Variants in COL5A1 observed in about 807,000 individuals in gnomAD.
COL5A1 encodes collagen alpha-1(V) chain.
In COL5A1, 16 loss-of-function variants were observed where a neutral mutation model predicts 263.7. The observed-to-expected ratio is 0.06, with a 90% CI of 0.04 to 0.09. The LOEUF (loss-of-function observed/expected upper bound fraction) is 0.09. Ranked by LOEUF, COL5A1 falls within the 10% of genes least tolerant of loss-of-function variation. COL5A1 has a pLI of 1.00. For synonymous variants in COL5A1, 1,012 were observed against 1,004.5 expected (o/e 1.01, Z -0.14); for missense variants, 2,036 against 2,540.5 (o/e 0.80, Z 4.27).
At chr9:134,831,754 C>T (rs914336912) in intron 64 of COL5A1, among the ~76,000 whole-genome samples, 23 of 152,342 alleles carry the variant, frequency 1.5e-4, no homozygotes, top group South Asian at 6.2e-4. Context: ...CTATTTTCCT[C>T]GCTTGGAGGA....
chr9:134,685,194 G>GTCCATCCATCCATCCA (rs1167642715), intron 1 of COL5A1, among the ~76,000 whole-genome samples: 2 of 5,542 alleles, frequency 3.6e-4, no homozygotes, highest in African/African-American at 1.3e-3. Context: ...CCTTCCATCT[G>GTCCATCCATCCATCCA]TCCATCCATC....
chr9:134,752,429 G>C (rs56669635), intron 13 of COL5A1, among the ~76,000 whole-genome samples, 160 bp from the exon 14 acceptor site: 5 of 150,582 alleles, frequency 3.3e-5, no homozygotes, highest in South Asian at 4.2e-4. Flanking sequence ...CGGGGGGGGG[G>C]GGCCCTTGGG....
Position 134,810,401 on chromosome 9 carries a change from A to G in COL5A1, c.3528+93A>G, listed in dbSNP as rs1004375882. ...CGTGTGCCATGCACGTTCTCTTCCAACGTTGCTGATGACTAGCGGGACATG... is the reference window on the plus strand; with the variant it reads ...CGTGTGCCATGCACGTTCTCTTCCAGCGTTGCTGATGACTAGCGGGACATG... On this transcript the variant is annotated intron_variant, in intron 44 of 65. Coordinates refer to ENST00000371817, the MANE Select transcript of COL5A1 (RefSeq NM_000093.5). The G allele has an allele frequency of 3.2e-5, 40 of 1,257,526 alleles. No homozygotes were observed. In the South Asian group the frequency reaches 4.5e-4, roughly 14 times the overall value. The allele number at this position is 1,257,526 out of a possible 1,614,324, so 77.9% of individuals were successfully genotyped here.
At chr9:134,650,925 A>C (rs1189377855) in intron 1 of COL5A1, among the ~76,000 whole-genome samples, 2 of 152,154 alleles carry the variant, frequency 1.3e-5, no homozygotes, top group African/African-American at 4.8e-5. Context: ...AGGGGATGAA[A>C]ACCACCCTCC....
At chr9:134,667,232 A>G (rs954024102) in intron 1 of COL5A1, among the ~76,000 whole-genome samples, 1 of 152,140 alleles carries the variant, frequency 6.6e-6, no homozygotes, top group Non-Finnish European at 1.5e-5. Context: ...ATGCACACAC[A>G]TTGTACCTTA....
At chr9:134,795,601 G>A (rs1410554758) in intron 34 of COL5A1, among the ~76,000 whole-genome samples, 1 of 152,142 alleles carries the variant, frequency 6.6e-6, no homozygotes, top group Admixed American at 6.5e-5. Context: ...GCAGCAGGGG[G>A]CCAGGCCCAC....
chr9:134,758,896 T>C lies in COL5A1; in HGVS notation c.1935+600T>C, dbSNP rs1346849477. 2.6e-5 allele frequency among the ~76,000 whole-genome samples: 4 copies of C among 152,158 alleles called. No homozygotes were observed. The highest frequency in any genetic ancestry group is 5.9e-5 in the Non-Finnish European group (4 of 68,012). On this transcript the variant is annotated intron_variant, in intron 18 of 65. Transcript: ENST00000371817. This position sits in a 1 kb window ranked among gnomAD's most constrained non-coding sequence, Gnocchi z 4.1. The stretch of plus-strand genomic sequence containing the variant: ...GTTGGAGAACACAGATGCGGCAGCT[T>C]TGGATAAACGGCAACAGCCAAGCCC...
At chr9:134,822,630 G>A (rs900488207) in intron 59 of COL5A1, among the ~76,000 whole-genome samples, 4 of 152,056 alleles carry the variant, frequency 2.6e-5, no homozygotes, top group African/African-American at 7.2e-5. Context: ...CCCCTGGCAC[G>A]CTGAGGGCTG....
At position 134,811,334 on chromosome 9, in the gene COL5A1, C is replaced by T. The variant is rs755227263; in HGVS notation, c.3529-5C>T. ...CTACCTATGTCTCTGTCTTGTTCCC[C>T]GCAGGGTCCTCCTGGGCCTACAGGT... is the stretch of plus-strand genomic sequence containing the variant. On this transcript the variant is annotated splice_region_variant and splice_polypyrimidine_tract_variant and intron_variant, in intron 44 of 65. Coordinates refer to ENST00000371817, the MANE Select transcript of COL5A1 (RefSeq NM_000093.5). 1.3e-5 allele frequency: 21 copies of T among 1,613,872 alleles called. No homozygotes were observed. The highest frequency in any genetic ancestry group is 5.5e-5 in the South Asian group (5 of 91,080).
At chr9:134,829,883 G>T (rs1282164308) in intron 63 of COL5A1, 93 bp from the exon 64 acceptor site, 16 of 1,408,810 alleles carry the variant, frequency 1.1e-5, no homozygotes, top group Non-Finnish European at 1.5e-5. Context: ...CAGGCGCGGG[G>T]GCCGGGAAAG....
chr9:134,764,644 C>T (rs1384061084), intron 20 of COL5A1, among the ~76,000 whole-genome samples: 5 of 152,132 alleles, frequency 3.3e-5, no homozygotes, highest in South Asian at 2.1e-4. Flanking sequence ...CAAGTCAGCC[C>T]GGCTGCGTGC....
At position 134,766,465 on chromosome 9, in the gene COL5A1, T is replaced by C. The variant is rs1836670592; in HGVS notation, c.2100T>C (p.Gly700=). ...AAAATCGTACACAGGGTGTCACGGGTATGGACGGCCAGCCGGGGCCAAAAG... is the reference window on the plus strand; with the variant it reads ...AAAATCGTACACAGGGTGTCACGGGCATGGACGGCCAGCCGGGGCCAAAAG... ...PGPPGPPGVT[G]MDGQPGPKGN... is the part of the protein sequence containing the mutation. Residue 700 remains glycine, a synonymous_variant, in exon 22 of 66, where the codon GGT becomes GGC. Coordinates refer to ENST00000371817, the MANE Select transcript of COL5A1 (RefSeq NM_000093.5). The C allele has an allele frequency of 6.2e-7, 1 of 1,614,044 alleles. No homozygotes were observed. Among genetic ancestry groups the C allele is most frequent in the Admixed American group, 1.7e-5 (1 of 59,990 alleles).
At position 134,681,444 on chromosome 9, in the gene COL5A1, G is replaced by GC. The variant is rs569114368; in HGVS notation, c.110-9465dup. ...ACAGCCCGTGGAGGAGACACACGCT[G>GC]CCCATGGAACACACATAGCAGGGAT... On this transcript the variant is annotated intron_variant, in intron 1 of 65. Coordinates refer to ENST00000371817, the MANE Select transcript of COL5A1 (RefSeq NM_000093.5). The surrounding 1 kb of genome is among the most constrained non-coding windows in gnomAD (Gnocchi z 4.3). Among the ~76,000 whole-genome samples the GC allele has an allele frequency of 2.1e-3, 323 of 152,352 alleles. 1 individual carries two copies. Among genetic ancestry groups the GC allele is most frequent in the Non-Finnish European group, 3.2e-3 (220 of 68,028 alleles).
intron 39 of COL5A1, 94 bp from the exon 40 acceptor site, chr9:134,804,881 A>G (rs1039072402): frequency 2.3e-5 from 25 of 1,093,014 alleles, no homozygotes; most frequent in South Asian, 3.9e-5. Flanking sequence ...GCTGGCTCCA[A>G]GAGAGAAGGC....
At chr9:134,796,695 G>C (rs1214902917) in intron 35 of COL5A1, among the ~76,000 whole-genome samples, 153 bp from the exon 36 acceptor site, 1 of 152,192 alleles carries the variant, frequency 6.6e-6, no homozygotes, top group Non-Finnish European at 1.5e-5. Context: ...GGGTGAGGCA[G>C]GGTGAGGGAG....
At chr9:134,802,688 C>G (rs1838156398) in intron 38 of COL5A1, among the ~76,000 whole-genome samples, 200 bp from the exon 39 acceptor site, 2 of 152,228 alleles carry the variant, frequency 1.3e-5, no homozygotes, top group South Asian at 4.1e-4. Flanking sequence ...CAGCAGATGC[C>G]AGGCAGTGAG....
rs1834746422 is a variant in COL5A1 at position 134,728,658 on chromosome 9, A to G, written c.787-12A>G. On this transcript the variant is annotated splice_polypyrimidine_tract_variant and intron_variant, in intron 5 of 65. Transcript: ENST00000371817. ...TCCGCTGCTTCCTCACGGGGCCGCA[A>G]TTCGCTTTCAGTACACGGAAGGAGA... 3 of 1,613,888 alleles carry G rather than the reference A, an allele frequency of 1.9e-6. No individual in the cohort carries two copies. Among genetic ancestry groups the G allele is most frequent in the East Asian group, 2.2e-5 (1 of 44,868 alleles).
intron 1 of COL5A1, among the ~76,000 whole-genome samples, chr9:134,671,584 G>C (rs979484888): frequency 6.6e-6 from 1 of 152,234 alleles, no homozygotes; most frequent in Non-Finnish European, 1.5e-5. Flanking sequence ...AGCAGAGCCA[G>C]AGAGGAACCC....
intron 61 of COL5A1, among the ~76,000 whole-genome samples, chr9:134,823,975 CATATGT>C (rs1460699591): frequency 1.3e-5 from 2 of 151,690 alleles, no homozygotes; most frequent in Admixed American, 6.6e-5. Context: ...TGTGTGTGTG[CATATGT>C]ATATGTGTAC....
Sources: gnomAD v4.1 joint callset for allele counts (sites outside exome capture counted in the v4.1 genomes callset) on GRCh38, gnomAD v4.1.1 for gene constraint, Gnocchi (gnomAD v3.1) non-coding constraint, MANE v1.5 for transcripts, NCBI Gene and HGNC (gene_info 2026-07-23, HGNC 2026-07-21) for gene names.